Variants in HNRNPM observed in about 807,000 individuals in gnomAD.
HNRNPM encodes heterogeneous nuclear ribonucleoprotein M.
A neutral mutation model predicts 73.1 loss-of-function variants in HNRNPM; 11 were observed. That is an observed-to-expected ratio of 0.15 (90% confidence interval 0.09 to 0.25). The LOEUF is 0.25. Among genes scored for constraint, HNRNPM ranks in the 10% least tolerant of loss-of-function variants. HNRNPM has a pLI of 1.00. For missense variants in HNRNPM, 789 were observed against 1,067.9 expected, an observed-to-expected ratio of 0.74 and a Z score of 3.64; for synonymous variants, 407 against 355.2, an observed-to-expected ratio of 1.15 and a Z score of -1.64.
intron 12 of HNRNPM, chr19:8,482,895 C>A: frequency 2.4e-6 from 1 of 415,070 alleles, no homozygotes; most frequent in Non-Finnish European, 4.3e-6. Flanking sequence ...TGACTCCTAT[C>A]TCTGCTGGGC....
Position 8,485,717 on chromosome 19 carries a change from T to C in HNRNPM, c.1289T>C (p.Val430Ala). 1 of 1,606,496 alleles carries C rather than the reference T, an allele frequency of 6.2e-7. No homozygotes were observed. The highest frequency in any genetic ancestry group is 1.1e-5 in the South Asian group (1 of 91,016). ...GGCCTGGGCCACGGCATGGATCGCG[T>C]GGGCTCCGAGATCGAGCGCATGGGC... ...GAGLGHGMDR[V>A]GSEIERMGLV... Residue 430 changes from valine (V) to alanine (A), a missense_variant, in exon 14 of 16, where the codon GTG becomes GCG. This residue lies in a region of HNRNPM where 604 missense variants were observed against 744.0 expected (regional missense o/e 0.81). Transcript: ENST00000325495.
chr19:8,485,769 GGAGCGCATGGGCTCCGGCATT>G lies in HNRNPM; in HGVS notation c.1354_1374del (p.Ser452_Gly458del), dbSNP rs752996497. ...TGGTCATGGACCGCATGGGCTCCGT[GGAGCGCATGGGCTCCGGCATT>G]GAGCGCATGGGCCCGCTGGGCCTCG... is the stretch of plus-strand genomic sequence containing the variant. On this transcript the variant is annotated inframe_deletion, in exon 14 of 16. Coordinates refer to ENST00000325495, the MANE Select transcript of HNRNPM (RefSeq NM_005968.5). 2.3e-5 allele frequency: 37 copies of G among 1,603,484 alleles called. No homozygotes were observed. The highest frequency in any genetic ancestry group is 5.0e-5 in the Admixed American group (3 of 59,868).
At chr19:8,464,438 A>G (rs1465110255) in intron 5 of HNRNPM, among the ~76,000 whole-genome samples, 1 of 152,186 alleles carries the variant, frequency 6.6e-6, no homozygotes, top group Non-Finnish European at 1.5e-5. Flanking sequence ...GTTCAAGACC[A>G]GCTTGACCAA....
chr19:8,455,326 C>T lies in HNRNPM; in HGVS notation c.114-79C>T, dbSNP rs992543807. 4.0e-6 allele frequency: 5 copies of T among 1,261,452 alleles called. No individual in the cohort carries two copies. In the African/African-American group the frequency reaches 6.0e-5, roughly 15 times the overall value. The allele number at this position is 1,261,452 out of a possible 1,614,324, so 78.1% of individuals were successfully genotyped here. A position where few individuals can be genotyped will look rare whatever the true frequency, so the allele number is the denominator to read the frequency against. On this transcript the variant is annotated intron_variant, in intron 1 of 15. Coordinates refer to ENST00000325495, the MANE Select transcript of HNRNPM (RefSeq NM_005968.5). Reference sequence around the variant, plus strand: ...TGTAACTTTGTGTGGAATTGTAAACCTGGCAAATCAAATAATTATCTTTCA... The same window carrying T: ...TGTAACTTTGTGTGGAATTGTAAACTTGGCAAATCAAATAATTATCTTTCA...
intron 12 of HNRNPM, among the ~76,000 whole-genome samples, chr19:8,474,899 G>A (rs1970397233): frequency 6.6e-6 from 1 of 152,070 alleles, no homozygotes; most frequent in South Asian, 2.1e-4. Context: ...ATGTTTAGTA[G>A]AGTCGGAGTT....
chr19:8,465,186 C>T, intron 5 of HNRNPM, 138 bp from the exon 6 acceptor site: 1 of 692,542 alleles, frequency 1.4e-6, no homozygotes. Flanking sequence ...GTTCATTTGA[C>T]TTTCTTGTTA....
intron 1 of HNRNPM, chr19:8,445,340 T>G: frequency 5.1e-6 from 2 of 389,958 alleles, no homozygotes; most frequent in Non-Finnish European, 9.0e-6. Context: ...CCTCAGTCCC[T>G]CCAGGCCGGG....
At chr19:8,451,328 C>T (rs552091917) in intron 1 of HNRNPM, among the ~76,000 whole-genome samples, 19 of 152,094 alleles carry the variant, frequency 1.2e-4, no homozygotes, top group Non-Finnish European at 2.4e-4. Context: ...CAGGTGTGAG[C>T]CACCGCGCCC....
At chr19:8,488,647 A>T in intron 15 of HNRNPM, 44 bp from the exon 16 acceptor site, 1 of 1,575,916 alleles carries the variant, frequency 6.3e-7, no homozygotes, top group African/African-American at 1.4e-5. Context: ...AAAATCTAAC[A>T]AAATCGGGAC....
chr19:8,481,160 G>GT (rs1970890039), intron 12 of HNRNPM, among the ~76,000 whole-genome samples: 1 of 152,208 alleles, frequency 6.6e-6, no homozygotes, highest in Non-Finnish European at 1.5e-5. Context: ...GCAAACAGCT[G>GT]TACTTGCTGC....
chr19:8,485,708 T>C lies in HNRNPM; in HGVS notation c.1280T>C (p.Met427Thr). ...ERMGAGLGHG[M>T]DRVGSEIERM... ...ATGGGCGCGGGCCTGGGCCACGGCA[T>C]GGATCGCGTGGGCTCCGAGATCGAG... The change falls in exon 14 of 16, where the codon ATG becomes ACG. Residue 427 changes from methionine to threonine, a missense_variant. Around this residue, in one of 4 missense-constraint regions of HNRNPM, gnomAD observed 604 missense variants for 744.0 expected, o/e 0.81. Transcript: ENST00000325495. 1 of 1,606,828 alleles carries C rather than the reference T, an allele frequency of 6.2e-7. No individual in the cohort carries two copies. Among genetic ancestry groups the C allele is most frequent in the Non-Finnish European group, 8.5e-7 (1 of 1,179,556 alleles).
chr19:8,461,542 G>C (rs1381189558), intron 2 of HNRNPM, among the ~76,000 whole-genome samples: 1 of 152,082 alleles, frequency 6.6e-6, no homozygotes, highest in Non-Finnish European at 1.5e-5. Flanking sequence ...AGCCATTTTG[G>C]TGGTTGTCTT....
rs180995481 is a variant in HNRNPM, at chr19:8,450,459, T to C, written c.114-4946T>C. 7.2e-5 allele frequency among the ~76,000 whole-genome samples: 11 copies of C among 152,254 alleles called. No individual in the cohort carries two copies. In the East Asian group the frequency reaches 2.1e-3, roughly 29 times the overall value. ...GGAGTTTCACTCTTGTCCCTCAGGC[T>C]GGGGTGCAGTGTACGATCTCTACTC... On this transcript the variant is annotated intron_variant, in intron 1 of 15. Coordinates refer to ENST00000325495, the MANE Select transcript of HNRNPM (RefSeq NM_005968.5).
At chr19:8,478,993 A>G (rs908310676) in intron 12 of HNRNPM, among the ~76,000 whole-genome samples, 24 of 148,782 alleles carry the variant, frequency 1.6e-4, no homozygotes, top group Non-Finnish European at 4.5e-5. Flanking sequence ...GGTCTTGAGT[A>G]TTTAGGCCTA....
Position 8,466,398 on chromosome 19 carries a change from T to C in HNRNPM, c.784+10T>C. The C allele has an allele frequency of 6.2e-7, 1 of 1,613,754 alleles. No homozygotes were observed. ...GCTGTGCAAGCTATATGTATCCTTC[T>C]GCAGGAATTCAACTTATGAACAGTT... On this transcript the variant is annotated intron_variant, in intron 7 of 15. Transcript: ENST00000325495.
chr19:8,458,420 G>A (rs1284065700), intron 2 of HNRNPM, among the ~76,000 whole-genome samples: 2 of 152,316 alleles, frequency 1.3e-5, no homozygotes, highest in South Asian at 2.1e-4. Context: ...GAGAAAAGGC[G>A]ATCTTAGGCT....
intron 2 of HNRNPM, among the ~76,000 whole-genome samples, chr19:8,457,885 C>T (rs906651782): frequency 1.3e-5 from 2 of 152,146 alleles, no homozygotes; most frequent in Admixed American, 6.5e-5. Context: ...ACTTACAACC[C>T]TAAAAGTATT....
At chr19:8,467,606 C>T (rs1222119645) in intron 8 of HNRNPM, 22 bp downstream of exon 8, 1 of 1,545,588 alleles carries the variant, frequency 6.5e-7, no homozygotes, top group Non-Finnish European at 8.9e-7. Flanking sequence ...GGATCTTTCT[C>T]TGTGATATAC....
intron 10 of HNRNPM, among the ~76,000 whole-genome samples, chr19:8,472,891 A>T (rs1367423127): frequency 6.6e-6 from 1 of 152,182 alleles, no homozygotes; most frequent in Non-Finnish European, 1.5e-5. Flanking sequence ...CTTAACAGGG[A>T]TTCTTAAAAA....
Sources: gnomAD v4.1 joint callset for allele counts (sites outside exome capture counted in the v4.1 genomes callset) on GRCh38, gnomAD v4.1.1 for gene constraint, gnomAD v4.1.1 regional missense constraint, MANE v1.5 for transcripts, NCBI Gene and HGNC (gene_info 2026-07-23, HGNC 2026-07-21) for gene names.